The following GABRB1 variants were observed in gnomAD, a reference collection of about 807,000 sequenced individuals.
GABRB1 encodes gamma-aminobutyric acid receptor subunit beta-1.
In GABRB1, 17 loss-of-function variants were observed where a neutral mutation model predicts 51.6. The observed-to-expected ratio is 0.33, with a 90% CI of 0.23 to 0.49. The LOEUF is 0.49. GABRB1 is among the 20% of genes least tolerant of loss of function. The pLI, the probability that GABRB1 is intolerant of heterozygous loss-of-function variation, is 0.99. For synonymous variants in GABRB1, 247 were observed against 218.9 expected, an observed-to-expected ratio of 1.13 and a Z score of -1.14; for missense variants, 410 against 600.6, an observed-to-expected ratio of 0.68 and a Z score of 3.32.
chr4:47,014,122 A>G (rs189467019), intron 1 of GABRB1, among the ~76,000 whole-genome samples: 215 of 152,320 alleles, frequency 1.4e-3, no homozygotes, highest in African/African-American at 4.8e-3. Context: ...AATCAACTCT[A>G]AAAACACTAG....
rs556452316 is a variant in GABRB1 at position 47,009,025 on chromosome 4, G to A, written c.-20+15099G>A. On this transcript the variant is annotated intron_variant, in intron 1 of 3. Transcript: ENST00000513567. The stretch of plus-strand genomic sequence containing the variant: ...ACTACAGGCGCCCACCACCACGCCC[G>A]GCTAATTTTTTGTATTTTTTAGTAG... 9.3e-4 allele frequency among the ~76,000 whole-genome samples: 137 copies of A among 147,644 alleles called. 1 individual carries two copies. Among genetic ancestry groups the A allele is most frequent in the Non-Finnish European group, 1.8e-3 (122 of 66,956 alleles).
intron 4 of GABRB1, among the ~76,000 whole-genome samples, chr4:47,296,394 A>C (rs1312656537): frequency 1.3e-5 from 2 of 152,232 alleles, no homozygotes; most frequent in Non-Finnish European, 2.9e-5. Context: ...CATAGGCTCA[A>C]AATACAAGGA....
chr4:47,052,831 G>T (rs1019175918), intron 3 of GABRB1, among the ~76,000 whole-genome samples: 1 of 152,138 alleles, frequency 6.6e-6, no homozygotes, highest in African/African-American at 2.4e-5. Flanking sequence ...TCTAAAAACT[G>T]AAAGAAGGCA....
chr4:47,205,668 G>A (rs1166905779), intron 4 of GABRB1, among the ~76,000 whole-genome samples: 1 of 152,060 alleles, frequency 6.6e-6, no homozygotes, highest in African/African-American at 2.4e-5. Context: ...GTTACAAAGG[G>A]TAATATTTTG....
At chr4:47,051,270 C>CA (rs545184873) in intron 3 of GABRB1, among the ~76,000 whole-genome samples, 1 of 151,928 alleles carries the variant, frequency 6.6e-6, no homozygotes, top group African/African-American at 2.4e-5. Flanking sequence ...TTTGGGAATG[C>CA]AAAATTATGT....
At chr4:47,038,820 G>A (rs1274294206) in intron 3 of GABRB1, among the ~76,000 whole-genome samples, 1 of 152,166 alleles carries the variant, frequency 6.6e-6, no homozygotes, top group African/African-American at 2.4e-5. Context: ...AGTTGGCTTA[G>A]GTTTCAGTGA....
At chr4:47,189,648 A>G (rs190623013) in intron 4 of GABRB1, among the ~76,000 whole-genome samples, 2 of 151,982 alleles carry the variant, frequency 1.3e-5, no homozygotes, top group Admixed American at 6.6e-5. Flanking sequence ...TTAATAGTTG[A>G]TTCGCATTCC....
intron 4 of GABRB1, among the ~76,000 whole-genome samples, chr4:47,197,876 G>A (rs1344322492): frequency 6.6e-6 from 1 of 152,110 alleles, no homozygotes; most frequent in African/African-American, 2.4e-5. Flanking sequence ...GTGTGACAAT[G>A]TGCCTGTCTA....
rs772601985 is a variant in GABRB1, at chr4:47,364,400, TA to T, written c.545-38914del. Among the ~76,000 whole-genome samples, 4 of 150,030 alleles carry T rather than the reference TA, an allele frequency of 2.7e-5. No homozygotes were observed. The East Asian group carries it at 7.8e-4, about 29-fold the overall frequency. ...AGATCAGACAAAGTAGAAGTTGGAGTAAAAGAAAGGGATGGAGAACAAGAAG... is the reference window on the plus strand; with the variant it reads ...AGATCAGACAAAGTAGAAGTTGGAGTAAAGAAAGGGATGGAGAACAAGAAG... On this transcript the variant is annotated intron_variant, in intron 5 of 8. Transcript: ENST00000295454.
chr4:47,314,914 G>C (rs890916151), intron 4 of GABRB1, among the ~76,000 whole-genome samples: 2 of 151,794 alleles, frequency 1.3e-5, no homozygotes, highest in Admixed American at 1.3e-4. Context: ...AAATGTAAAA[G>C]AAAAACTTTG....
At chr4:47,179,446 G>T (rs1718851838) in intron 4 of GABRB1, among the ~76,000 whole-genome samples, 1 of 151,914 alleles carries the variant, frequency 6.6e-6, no homozygotes, top group Non-Finnish European at 1.5e-5. Context: ...ATACCCAAAG[G>T]ATTATAAATC....
intron 3 of GABRB1, among the ~76,000 whole-genome samples, chr4:47,114,906 T>C (rs1715398586): frequency 6.6e-6 from 1 of 152,148 alleles, no homozygotes; most frequent in Admixed American, 6.5e-5. Flanking sequence ...TAAAACTGTC[T>C]CCAGCTTCAG....
chr4:47,337,966 C>T (rs1725761007), intron 5 of GABRB1, among the ~76,000 whole-genome samples: 3 of 152,106 alleles, frequency 2.0e-5, no homozygotes, highest in Admixed American at 6.6e-5. Context: ...TTTGCTTCCC[C>T]CAGAATTCTG....
intron 4 of GABRB1, among the ~76,000 whole-genome samples, chr4:47,301,693 C>A (rs1212152622): frequency 6.6e-6 from 1 of 151,308 alleles, no homozygotes; most frequent in African/African-American, 2.4e-5. Flanking sequence ...TAAGATGCTA[C>A]AGCTCATTCA....
At chr4:47,050,978 G>A (rs747153173) in intron 3 of GABRB1, among the ~76,000 whole-genome samples, 1 of 152,020 alleles carries the variant, frequency 6.6e-6, no homozygotes, top group Non-Finnish European at 1.5e-5. Flanking sequence ...GTTCTGGCTC[G>A]GGTTTTGTGT....
chr4:47,145,766 G>A (rs1401822094), intron 3 of GABRB1, among the ~76,000 whole-genome samples: 1 of 151,976 alleles, frequency 6.6e-6, no homozygotes, highest in African/African-American at 2.4e-5. Context: ...CATCAGAAGG[G>A]GACTGGCTCC....
Position 47,032,141 on chromosome 4 carries a change from C to G in GABRB1, c.172+136C>G, listed in dbSNP as rs1224201015. On this transcript the variant is annotated intron_variant, in intron 2 of 8. Transcript: ENST00000295454. ...ACTATACCCTGGGCACACACACACA[C>G]ACACACACACACACACACACCCCGG... is the stretch of plus-strand genomic sequence containing the variant. The G allele has an allele frequency of 4.5e-6, 3 of 668,432 alleles. No individual in the cohort carries two copies. In the East Asian group the frequency reaches 8.1e-5, roughly 18 times the overall value. 41.4% of individuals were successfully genotyped at this position (668,432 alleles called of 1,614,324 possible).
intron 3 of GABRB1, among the ~76,000 whole-genome samples, chr4:47,142,434 T>C (rs1336034514): frequency 6.6e-6 from 1 of 151,950 alleles, no homozygotes; most frequent in African/African-American, 2.4e-5. Flanking sequence ...GGGATGTGGC[T>C]AGGCATATAA....
At chr4:47,039,858 A>C (rs369622825) in intron 3 of GABRB1, among the ~76,000 whole-genome samples, 12 of 152,330 alleles carry the variant, frequency 7.9e-5, no homozygotes, top group Non-Finnish European at 1.8e-4. Context: ...ATCAGACTGC[A>C]TGCTAAAAGC....
Sources: gnomAD v4.1 joint callset for allele counts (sites outside exome capture counted in the v4.1 genomes callset) on GRCh38, gnomAD v4.1.1 for gene constraint, MANE v1.5 for transcripts, NCBI Gene and HGNC (gene_info 2026-07-23, HGNC 2026-07-21) for gene names.